The following JAKMIP3 variants were observed in gnomAD, a reference collection of about 807,000 sequenced individuals.
The protein encoded by JAKMIP3 is Janus kinase and microtubule interacting protein 3.
In JAKMIP3, 58 loss-of-function variants were observed where a neutral mutation model predicts 118.5. The observed-to-expected ratio is 0.49, with a 90% CI of 0.40 to 0.61. The LOEUF (loss-of-function observed/expected upper bound fraction) is 0.61, where lower values mean the gene tolerates loss of function less well. Ranked by LOEUF, JAKMIP3 falls within the 20% of genes least tolerant of loss-of-function variation. The probability of loss-of-function intolerance (pLI) is 0.00; values close to 1 mark genes in which losing one functional copy is unlikely to be tolerated. For missense variants in JAKMIP3, 950 were observed against 1,109.0 expected, an observed-to-expected ratio of 0.86 and a Z score of 2.04; for synonymous variants, 486 against 451.2, an observed-to-expected ratio of 1.08 and a Z score of -0.98.
Position 132,183,168 on chromosome 10 carries a change from A to G in JAKMIP3, c.*1915A>G, listed in dbSNP as rs571866974. Reference sequence around the variant, plus strand: ...TGGCACACAATAGCCTTGTGTTAATAAAAGCTACCGTGGCGCTGTGGGTGA... The same window carrying G: ...TGGCACACAATAGCCTTGTGTTAATGAAAGCTACCGTGGCGCTGTGGGTGA... On this transcript the variant is annotated 3_prime_UTR_variant, in exon 24 of 24. Transcript: ENST00000684848. The G allele has an allele frequency of 3.3e-5, 5 of 152,354 alleles. No individual in the cohort carries two copies. Among genetic ancestry groups the G allele is most frequent in the African/African-American group, 1.2e-4 (5 of 41,564 alleles). 9.4% of individuals were successfully genotyped at this position (152,354 alleles called of 1,614,324 possible).
At chr10:132,145,964 C>T (rs1242726076) in intron 13 of JAKMIP3, among the ~76,000 whole-genome samples, 1 of 152,200 alleles carries the variant, frequency 6.6e-6, no homozygotes, top group Non-Finnish European at 1.5e-5. Context: ...AGGGAAGTCT[C>T]CTTCCAGCAA....
At chr10:132,070,656 G>A (rs2039699936) in intron 1 of JAKMIP3, among the ~76,000 whole-genome samples, 1 of 152,118 alleles carries the variant, frequency 6.6e-6, no homozygotes, top group African/African-American at 2.4e-5. Flanking sequence ...ACAGACCTTG[G>A]TACCTTCCTT....
chr10:132,119,240 A>C (rs1328013053), intron 3 of JAKMIP3, among the ~76,000 whole-genome samples: 8 of 152,234 alleles, frequency 5.3e-5, no homozygotes, highest in African/African-American at 1.7e-4. Context: ...CTTACACCGA[A>C]GTGCAGGTGT....
chr10:132,048,603 GT>G (rs1332119380), intron 1 of JAKMIP3, among the ~76,000 whole-genome samples: 1 of 151,030 alleles, frequency 6.6e-6, no homozygotes, highest in Non-Finnish European at 1.5e-5. Flanking sequence ...GTGTGTGTGT[GT>G]TTTGTTAAGT....
At chr10:132,138,030 C>G (rs2052215685) in intron 8 of JAKMIP3, 89 bp from the exon 9 acceptor site, 6 of 1,251,090 alleles carry the variant, frequency 4.8e-6, no homozygotes, top group Non-Finnish European at 6.8e-6. Flanking sequence ...CCCTGTCATC[C>G]AAATGATGGC....
intron 5 of JAKMIP3, among the ~76,000 whole-genome samples, chr10:132,135,650 C>T (rs1411577118): frequency 6.6e-6 from 1 of 152,210 alleles, no homozygotes. Context: ...CGGGACTCAC[C>T]CCCGGGGACG....
intron 3 of JAKMIP3, among the ~76,000 whole-genome samples, chr10:132,120,224 A>AC (rs2048330245): frequency 6.6e-6 from 1 of 152,046 alleles, no homozygotes; most frequent in Non-Finnish European, 1.5e-5. Flanking sequence ...CGATGCTTAA[A>AC]CCCCTGTCAG....
At chr10:132,139,130 GTGTGCA>G (rs1302719829) in intron 9 of JAKMIP3, among the ~76,000 whole-genome samples, 3 of 151,800 alleles carry the variant, frequency 2.0e-5, no homozygotes, top group Admixed American at 6.6e-5. Flanking sequence ...ATCTGTGTGT[GTGTGCA>G]TGTGTATGTG....
chr10:132,115,418 G>A (rs1250987176), intron 2 of JAKMIP3, among the ~76,000 whole-genome samples: 2 of 152,212 alleles, frequency 1.3e-5, no homozygotes, highest in South Asian at 2.1e-4. Flanking sequence ...CCGCACAGCC[G>A]CTTGTCAGCC....
At chr10:132,099,685 A>C (rs7895365) in intron 1 of JAKMIP3, among the ~76,000 whole-genome samples, 93,109 of 151,990 alleles carry the variant, frequency 0.61, 28,774 homozygotes, top group East Asian at 0.71. Context: ...GTAAGACGCC[A>C]AGTGCTTTAA....
At position 132,183,856 on chromosome 10, in the gene JAKMIP3, C is replaced by T. The variant is rs2061662255; in HGVS notation, c.*2603C>T. 2 of 152,174 alleles carry T rather than the reference C, an allele frequency of 1.3e-5. No homozygotes were observed. Among genetic ancestry groups the T allele is most frequent in the South Asian group, 2.1e-4 (1 of 4,828 alleles). 9.4% of individuals were successfully genotyped at this position (152,174 alleles called of 1,614,324 possible). A position where few individuals can be genotyped will look rare whatever the true frequency, so the allele number is the denominator to read the frequency against. ...CTCCTCCTGGTCCAGTGAGCAGCAGCAGAATTCAAGTATTTAAAAATAAGG... is the reference window on the plus strand; with the variant it reads ...CTCCTCCTGGTCCAGTGAGCAGCAGTAGAATTCAAGTATTTAAAAATAAGG... On this transcript the variant is annotated 3_prime_UTR_variant, in exon 24 of 24. Coordinates refer to ENST00000684848, the MANE Select transcript of JAKMIP3 (RefSeq NM_001323087.2).
intron 1 of JAKMIP3, among the ~76,000 whole-genome samples, chr10:132,084,684 C>T (rs1390391694): frequency 1.3e-5 from 2 of 152,246 alleles, no homozygotes; most frequent in African/African-American, 2.4e-5. Flanking sequence ...AGCTTTTTCC[C>T]ATTCAGTCTG....
At chr10:132,149,356 T>C in intron 14 of JAKMIP3, 56 bp from the exon 15 acceptor site, 1 of 1,200,106 alleles carries the variant, frequency 8.3e-7, no homozygotes. Context: ...AGCACAGTCC[T>C]CTTAGAGGGA....
rs190734400 is a variant in JAKMIP3, at chr10:132,112,232, G to A, written c.136-4845G>A. On this transcript the variant is annotated intron_variant, in intron 2 of 23. Coordinates refer to ENST00000684848, the MANE Select transcript of JAKMIP3 (RefSeq NM_001323087.2). This position sits in a 1 kb window ranked among gnomAD's most constrained non-coding sequence, Gnocchi z 4.3. The stretch of plus-strand genomic sequence containing the variant: ...TCCAGGCGGGGGCTGACATTTGGGT[G>A]GTGAGCACAGGTGCCTGCTGTCCCG... Among the ~76,000 whole-genome samples, 2 of 152,264 alleles carry A rather than the reference G, an allele frequency of 1.3e-5. No homozygotes were observed.
chr10:132,108,554 G>T (rs965667515), intron 2 of JAKMIP3, among the ~76,000 whole-genome samples: 11 of 151,902 alleles, frequency 7.2e-5, no homozygotes, highest in African/African-American at 2.7e-4. Flanking sequence ...ACCCCAGAGC[G>T]CTCTCTGACC....
At position 132,136,017 on chromosome 10, in the gene JAKMIP3, C is replaced by G. The variant is rs759603919; in HGVS notation, c.1057C>G (p.His353Asp). 1 of 1,613,720 alleles carries G rather than the reference C, an allele frequency of 6.2e-7. No homozygotes were observed. The highest frequency in any genetic ancestry group is 1.1e-5 in the South Asian group (1 of 91,072). ...RLSRKNEDLSHALRRMENKLK... is the reference protein window; with the variant it reads ...RLSRKNEDLSDALRRMENKLK... ...CAGTCGGAAGAACGAGGATTTGTCT[C>G]ATGCTTTACGCCGAATGGAAAACAA... Residue 353 changes from histidine (H) to aspartate (D), a missense_variant, in exon 6 of 24, where the codon CAT becomes GAT. Coordinates refer to ENST00000684848, the MANE Select transcript of JAKMIP3 (RefSeq NM_001323087.2).
rs759549855 is a variant in JAKMIP3, at chr10:132,154,010, T to A, written c.2220+20T>A. ...AACAAGGTGAGAGGCACGAGACTGC[T>A]GGAACCCCGGGGAGGGGCACTGGGC... On this transcript the variant is annotated intron_variant, in intron 19 of 23. Transcript: ENST00000684848. The A allele has an allele frequency of 3.7e-6, 6 of 1,611,294 alleles. No individual in the cohort carries two copies. Among genetic ancestry groups the A allele is most frequent in the Non-Finnish European group, 5.1e-6 (6 of 1,178,564 alleles).
intron 10 of JAKMIP3, among the ~76,000 whole-genome samples, chr10:132,140,990 G>A (rs1189751689): frequency 2.0e-5 from 3 of 152,242 alleles, no homozygotes; most frequent in Admixed American, 2.0e-4. Flanking sequence ...GGTGAGGGGT[G>A]TTGAGCAGGA....
At chr10:132,138,230 G>A in intron 9 of JAKMIP3, 52 bp downstream of exon 9, 1 of 1,499,238 alleles carries the variant, frequency 6.7e-7, no homozygotes, top group Non-Finnish European at 9.1e-7. Flanking sequence ...TGTGTGCGGA[G>A]AGGACCACGC....
Sources: allele counts gnomAD v4.1 joint callset (sites outside exome capture counted in the v4.1 genomes callset), GRCh38; gene constraint gnomAD v4.1.1; non-coding constraint Gnocchi (gnomAD v3.1); transcripts MANE v1.5; gene names NCBI Gene and HGNC (gene_info 2026-07-23, HGNC 2026-07-21).